PRKDC: variants seen among roughly 807,000 people sequenced by gnomAD.
The protein encoded by PRKDC is DNA-dependent protein kinase catalytic subunit.
A neutral mutation model predicts 486.9 loss-of-function variants in PRKDC; 82 were observed. The observed-to-expected ratio is 0.17, with a 90% CI of 0.14 to 0.20. PRKDC has a LOEUF of 0.20. PRKDC is among the 10% of genes least tolerant of loss of function. The pLI, the probability that PRKDC is intolerant of heterozygous loss-of-function variation, is 1.00. For missense variants in PRKDC, 4,504 were observed against 5,038.2 expected, an observed-to-expected ratio of 0.89 and a Z score of 3.21; for synonymous variants, 1,895 against 1,837.0, an observed-to-expected ratio of 1.03 and a Z score of -0.81.
chr8:47,823,010 G>A (rs1445003066), intron 64 of PRKDC, among the ~76,000 whole-genome samples: 8 of 152,092 alleles, frequency 5.3e-5, no homozygotes, highest in Admixed American at 5.2e-4. Flanking sequence ...GTGGGGCCTG[G>A]TGAGAGGTGT....
chr8:47,785,665 G>A (rs571006167), intron 76 of PRKDC, among the ~76,000 whole-genome samples: 1 of 152,196 alleles, frequency 6.6e-6, no homozygotes, highest in Admixed American at 6.5e-5. Context: ...GAGCCCAGGA[G>A]TCTGAAGTGA....
chr8:47,835,690 G>A (rs1198815764), intron 58 of PRKDC, among the ~76,000 whole-genome samples: 2 of 148,342 alleles, frequency 1.3e-5, no homozygotes, highest in African/African-American at 5.0e-5. Context: ...TCATTCTTAG[G>A]TGCACAGTTC....
intron 59 of PRKDC, among the ~76,000 whole-genome samples, chr8:47,833,041 A>G (rs1220124468): frequency 1.3e-5 from 2 of 152,200 alleles, no homozygotes; most frequent in East Asian, 3.9e-4. Flanking sequence ...CCACCAAGCC[A>G]TCAGATCCCA....
At position 47,777,835 on chromosome 8, in the gene PRKDC, G is replaced by A. The variant is rs775955634; in HGVS notation, c.11893C>T (p.Arg3965Cys). The change falls in exon 84 of 86, where the codon CGC (arginine) becomes TGC (cysteine). Residue 3965 changes from arginine to cysteine, a missense_variant. Physicochemically the swap from Arg to Cys is radical, Grantham distance 180 (BLOSUM62 -3). Coordinates refer to ENST00000314191, the MANE Select transcript of PRKDC (RefSeq NM_006904.7). ...GGTAACATCAGATTGATAAACTGGC[G>A]AGTTAGCCGAAAAGGCATCAACTCA... ...VPELMPFRLT[R>C]QFINLMLPMK... 5.5e-5 allele frequency: 88 copies of A among 1,613,978 alleles called. No homozygotes were observed. The highest frequency in any genetic ancestry group is 7.1e-5 in the Non-Finnish European group (84 of 1,179,896).
intron 18 of PRKDC, 140 bp downstream of exon 18, chr8:47,929,713 T>G: frequency 1.0e-6 from 1 of 980,750 alleles, no homozygotes; most frequent in East Asian, 3.0e-5. Context: ...GCCATTCACA[T>G]ATCAATTTTT....
intron 40 of PRKDC, among the ~76,000 whole-genome samples, chr8:47,874,587 G>T (rs935052702): frequency 5.3e-5 from 8 of 152,060 alleles, no homozygotes; most frequent in Non-Finnish European, 1.5e-5. Flanking sequence ...GCGAAACCCT[G>T]TGTCTACTAA....
Position 47,873,837 on chromosome 8 carries a change from T to C in PRKDC, c.5363+3887A>G, listed in dbSNP as rs544692463. Among the ~76,000 whole-genome samples the C allele has an allele frequency of 2.9e-3, 443 of 151,514 alleles. 3 individuals are homozygous for C. Among genetic ancestry groups the C allele is most frequent in the African/African-American group, 0.011 (434 of 41,248 alleles). ...CAATTGAACTCATGGAGATAGAGAA[T>C]AGAAAGACGGTTACCAGAGGCTGGA... is the stretch of plus-strand genomic sequence containing the variant. On this transcript the variant is annotated intron_variant, in intron 40 of 85. Transcript: ENST00000314191.
chr8:47,785,076 G>T, intron 77 of PRKDC, 37 bp downstream of exon 77: 1 of 1,581,862 alleles, frequency 6.3e-7, no homozygotes, highest in South Asian at 1.1e-5. Context: ...CTGTGCTCCT[G>T]ACAGTACAGT....
chr8:47,866,156 C>CAAAAA (rs766279016), intron 40 of PRKDC, among the ~76,000 whole-genome samples: 2 of 52,300 alleles, frequency 3.8e-5, no homozygotes, highest in African/African-American at 6.0e-5. Flanking sequence ...AACTCCGTCG[C>CAAAAA]AAAAAAAAAA....
intron 63 of PRKDC, among the ~76,000 whole-genome samples, chr8:47,824,468 C>CAAAA (rs11369602): frequency 8.5e-4 from 32 of 37,616 alleles, no homozygotes; most frequent in South Asian, 8.1e-3. Context: ...GACTCCGCCT[C>CAAAA]AAAAAAAAAA....
rs2087024812 is a variant in PRKDC, at chr8:47,798,412, AAAG to A, written c.10298-18_10298-16del. ...AGAATCAATAACTATCAAGGACACC[AAAG>A]AAGAAAGCAATGGTCAATGTATCCC... On this transcript the variant is annotated splice_polypyrimidine_tract_variant and intron_variant, in intron 72 of 85. Coordinates refer to ENST00000314191, the MANE Select transcript of PRKDC (RefSeq NM_006904.7). 1 of 1,564,608 alleles carries A rather than the reference AAAG, an allele frequency of 6.4e-7. No individual in the cohort carries two copies. Among genetic ancestry groups the A allele is most frequent in the Non-Finnish European group, 8.6e-7 (1 of 1,158,182 alleles).
intron 5 of PRKDC, 141 bp from the exon 6 acceptor site, chr8:47,954,060 G>A (rs532310024): frequency 2.1e-4 from 114 of 536,932 alleles, no homozygotes; most frequent in Non-Finnish European, 3.2e-4. Flanking sequence ...AAAGCTTTTA[G>A]GACTGCATTC....
intron 12 of PRKDC, 26 bp from the exon 13 acceptor site, chr8:47,935,926 G>A (rs2090343315): frequency 6.3e-7 from 1 of 1,589,838 alleles, no homozygotes; most frequent in South Asian, 1.1e-5. Flanking sequence ...AGCAAACCGT[G>A]AGTTAGAGGA....
At chr8:47,851,893 C>T (rs747240281) in intron 52 of PRKDC, among the ~76,000 whole-genome samples, 12 of 152,164 alleles carry the variant, frequency 7.9e-5, no homozygotes, top group Non-Finnish European at 1.8e-4. Flanking sequence ...CACCTTATCC[C>T]AGTGATGAAC....
intron 20 of PRKDC, 77 bp downstream of exon 20, chr8:47,927,694 C>T: frequency 7.1e-7 from 1 of 1,405,014 alleles, no homozygotes. Context: ...ACTGCCAGGG[C>T]AAGAGGATGG....
intron 48 of PRKDC, 26 bp downstream of exon 48, chr8:47,858,487 AAAG>A: frequency 7.0e-7 from 1 of 1,430,808 alleles, no homozygotes; most frequent in Non-Finnish European, 9.4e-7. Flanking sequence ...GAATCTATTC[AAAG>A]AATAAAGAAA....
rs978819782 is a variant in PRKDC, at chr8:47,932,953, A to G, written c.1776+67T>C. The G allele has an allele frequency of 5.0e-6, 7 of 1,412,128 alleles. No individual in the cohort carries two copies. In the Admixed American group the frequency reaches 1.8e-4, roughly 37 times the overall value. 87.5% of individuals were successfully genotyped at this position (1,412,128 alleles called of 1,614,324 possible). ...TCTACAAATGTGCTATTGTCCCCTA[A>G]ATATTTATATGCAAAGACAGCTGAT... On this transcript the variant is annotated intron_variant, in intron 16 of 85. Transcript: ENST00000314191.
intron 76 of PRKDC, among the ~76,000 whole-genome samples, chr8:47,785,993 C>A (rs2086784244): frequency 6.6e-6 from 1 of 151,802 alleles, no homozygotes; most frequent in Non-Finnish European, 1.5e-5. Flanking sequence ...GTAATCCCAG[C>A]TACTCGGGAG....
At chr8:47,952,795 T>C (rs1240926725) in intron 7 of PRKDC, among the ~76,000 whole-genome samples, 1 of 151,872 alleles carries the variant, frequency 6.6e-6, no homozygotes, top group Non-Finnish European at 1.5e-5. Context: ...CCAGAGCCCA[T>C]GAGTTTGAGA....
Sources: allele counts gnomAD v4.1 joint callset (sites outside exome capture counted in the v4.1 genomes callset), GRCh38; gene constraint gnomAD v4.1.1; transcripts MANE v1.5; gene names NCBI Gene and HGNC (gene_info 2026-07-23, HGNC 2026-07-21).